Variants in AASS observed in about 807,000 individuals in gnomAD.
The protein encoded by AASS is alpha-aminoadipic semialdehyde synthase, mitochondrial.
AASS carries 86 observed loss-of-function variants against 105.4 expected under a neutral mutation model. That is an observed-to-expected ratio of 0.82 (90% confidence interval 0.69 to 0.98). AASS has a LOEUF of 0.98. AASS is among the 50% of genes least tolerant of loss of function. AASS has a pLI of 0.00. For missense variants in AASS, 1,048 were observed against 1,143.2 expected (o/e 0.92, Z 1.20); for synonymous variants, 381 against 394.8 (o/e 0.96, Z 0.41).
At chr7:122,079,084 C>T in intron 21 of AASS, 134 bp from the exon 22 acceptor site, 2 of 1,560,684 alleles carry the variant, frequency 1.3e-6, no homozygotes, top group Non-Finnish European at 1.7e-6. Context: ...GTAGGATTCT[C>T]CTAAAATGTA....
intron 15 of AASS, among the ~76,000 whole-genome samples, chr7:122,094,072 T>C (rs1293250943): frequency 1.3e-5 from 2 of 151,812 alleles, no homozygotes; most frequent in Non-Finnish European, 2.9e-5. Flanking sequence ...ATGGAAACAA[T>C]AGACACTGAG....
At chr7:122,091,606 A>T (rs1292905658) in intron 18 of AASS, 97 bp downstream of exon 18, 33 of 1,557,480 alleles carry the variant, frequency 2.1e-5, no homozygotes, top group Admixed American at 3.4e-5. Flanking sequence ...GACAGGCAGC[A>T]TCACCATTAT....
chr7:122,089,307 G>A (rs1793784684), intron 18 of AASS, among the ~76,000 whole-genome samples: 1 of 152,126 alleles, frequency 6.6e-6, no homozygotes, highest in African/African-American at 2.4e-5. Flanking sequence ...ATTCAGTTCA[G>A]GCAAAATAAT....
At chr7:122,116,504 C>T in intron 8 of AASS, 129 bp downstream of exon 8, 1 of 1,203,728 alleles carries the variant, frequency 8.3e-7, no homozygotes, top group Non-Finnish European at 1.2e-6. Flanking sequence ...AAGGCCAAAT[C>T]ATGATACCCA....
At chr7:122,106,515 G>T (rs752870472) in intron 11 of AASS, among the ~76,000 whole-genome samples, 1 of 151,686 alleles carries the variant, frequency 6.6e-6, no homozygotes, top group Non-Finnish European at 1.5e-5. Context: ...ATATTACAGG[G>T]CTACAGTAAC....
chr7:122,129,478 T>C lies in AASS; in HGVS notation c.270A>G (p.Leu90=). The change falls in exon 3 of 24, where the codon TTA becomes TTG. Residue 90 remains leucine, a synonymous_variant. Coordinates refer to ENST00000417368, the MANE Select transcript of AASS (RefSeq NM_005763.4). ...TTTCCTCTGGAGGTCTTTTAACTCC[T>C]AAAATTAGACAAGCTTCAGAAATAT... is the stretch of plus-strand genomic sequence containing the variant. ...QEDISEACLI[L]GVKRPPEEKL... 6.2e-7 allele frequency: 1 copy of C among 1,613,650 alleles called. No homozygotes were observed. Among genetic ancestry groups the C allele is most frequent in the Admixed American group, 1.7e-5 (1 of 60,012 alleles).
intron 13 of AASS, among the ~76,000 whole-genome samples, chr7:122,099,776 AATAAAAATAAAT>A (rs1191069207): frequency 1.3e-5 from 2 of 148,570 alleles, no homozygotes; most frequent in Non-Finnish European, 3.0e-5. Context: ...ATTTTTAACA[AATAAAAATAAAT>A]ATAAGTATAA....
chr7:122,137,627 A>C (rs762756193), intron 1 of AASS, among the ~76,000 whole-genome samples: 1 of 152,188 alleles, frequency 6.6e-6, no homozygotes, highest in African/African-American at 2.4e-5. Context: ...ACTTGGTCTC[A>C]GCATAGAACT....
chr7:122,079,111 A>G, intron 21 of AASS, 161 bp from the exon 22 acceptor site: 1 of 1,525,230 alleles, frequency 6.6e-7, no homozygotes, highest in Admixed American at 2.0e-5. Flanking sequence ...CAATAACAAT[A>G]GCAATGTTTT....
chr7:122,101,513 G>C (rs1439821184), intron 12 of AASS, 75 bp from the exon 13 acceptor site: 10 of 1,487,296 alleles, frequency 6.7e-6, no homozygotes, highest in Non-Finnish European at 3.8e-6. Context: ...ATGACTGATA[G>C]AGAAAAGACA....
intron 11 of AASS, among the ~76,000 whole-genome samples, chr7:122,112,242 T>G (rs573026647): frequency 2.7e-4 from 41 of 152,222 alleles, no homozygotes; most frequent in Non-Finnish European, 4.7e-4. Flanking sequence ...AATTAAAATA[T>G]ATTTAGTACT....
At chr7:122,092,180 A>C (rs1194641067) in intron 17 of AASS, among the ~76,000 whole-genome samples, 1 of 151,600 alleles carries the variant, frequency 6.6e-6, no homozygotes, top group African/African-American at 2.4e-5. Context: ...ATACATATAT[A>C]TACACACACA....
At chr7:122,117,646 T>G (rs1040904616) in intron 6 of AASS, among the ~76,000 whole-genome samples, 1 of 149,598 alleles carries the variant, frequency 6.7e-6, no homozygotes, top group East Asian at 1.9e-4. Context: ...ATCTATTTAT[T>G]TATTTATTTA....
At chr7:122,142,488 C>T (rs1796449405) in intron 1 of AASS, among the ~76,000 whole-genome samples, 1 of 152,144 alleles carries the variant, frequency 6.6e-6, no homozygotes, top group Admixed American at 6.5e-5. Context: ...CAACTTCAAA[C>T]TTCAGGCATG....
chr7:122,077,687 C>T (rs1793089287), intron 23 of AASS, 151 bp downstream of exon 23: 1 of 921,004 alleles, frequency 1.1e-6, no homozygotes, highest in Admixed American at 2.0e-5. Context: ...CAAAAGGGGA[C>T]CTCCCAGGCA....
chr7:122,088,402 C>T (rs1035878944), intron 18 of AASS, among the ~76,000 whole-genome samples: 10 of 152,078 alleles, frequency 6.6e-5, no homozygotes, highest in African/African-American at 2.4e-4. Flanking sequence ...ATCCATGAAA[C>T]AACTCATTTT....
At chr7:122,139,827 T>C (rs573777818) in intron 1 of AASS, among the ~76,000 whole-genome samples, 3 of 152,160 alleles carry the variant, frequency 2.0e-5, no homozygotes, top group South Asian at 2.1e-4. Flanking sequence ...TGGCGCATGC[T>C]GGTAGTCCCA....
At chr7:122,104,092 T>C (rs182636223) in intron 11 of AASS, among the ~76,000 whole-genome samples, 119 of 152,150 alleles carry the variant, frequency 7.8e-4, no homozygotes, top group African/African-American at 2.5e-3. Context: ...AAAATGGCAG[T>C]AGTAAGTCCT....
chr7:122,077,706 T>G, intron 23 of AASS, 132 bp downstream of exon 23: 2 of 1,181,840 alleles, frequency 1.7e-6, no homozygotes, highest in Non-Finnish European at 1.3e-6. Context: ...CAGTCCGCGC[T>G]TGGATCTTCT....
Sources: gnomAD v4.1 joint callset for allele counts (sites outside exome capture counted in the v4.1 genomes callset) on GRCh38, gnomAD v4.1.1 for gene constraint, MANE v1.5 for transcripts, NCBI Gene and HGNC (gene_info 2026-07-23, HGNC 2026-07-21) for gene names.